The following CFAP69 variants were observed in gnomAD, a reference collection of about 807,000 sequenced individuals.
CFAP69 encodes cilia- and flagella-associated protein 69.
Under a neutral mutation model 123.0 loss-of-function variants are expected in CFAP69, and 92 were observed. The observed-to-expected ratio is 0.75, with a 90% CI of 0.63 to 0.89. The LOEUF (loss-of-function observed/expected upper bound fraction) is 0.89. CFAP69 is among the 40% of genes least tolerant of loss of function. The probability of loss-of-function intolerance (pLI) is 0.00; values close to 1 mark genes in which losing one functional copy is unlikely to be tolerated. For synonymous variants in CFAP69, 380 were observed against 364.3 expected (o/e 1.04, Z -0.49); for missense variants, 1,067 against 1,096.9 (o/e 0.97, Z 0.39).
At chr7:90,256,443 G>A (rs1445849476) in intron 2 of CFAP69, among the ~76,000 whole-genome samples, 2 of 151,888 alleles carry the variant, frequency 1.3e-5, no homozygotes, top group Admixed American at 1.3e-4. Flanking sequence ...TGGGTTGATG[G>A]GTGCAGCAAA....
intron 1 of CFAP69, among the ~76,000 whole-genome samples, chr7:90,251,395 T>C (rs1796986551): frequency 6.6e-6 from 1 of 152,192 alleles, no homozygotes; most frequent in Admixed American, 6.5e-5. Flanking sequence ...CTGGTTGGTC[T>C]TAAGTTGGAA....
intron 13 of CFAP69, among the ~76,000 whole-genome samples, chr7:90,283,671 T>A (rs1179030903): frequency 6.6e-6 from 1 of 152,190 alleles, no homozygotes; most frequent in Admixed American, 6.5e-5. Flanking sequence ...AAACAAAAGC[T>A]GCTTTGCCTT....
At chr7:90,262,198 A>C (rs1190080805) in intron 4 of CFAP69, 142 bp downstream of exon 4, 5 of 543,050 alleles carry the variant, frequency 9.2e-6, no homozygotes, top group African/African-American at 2.0e-5. Flanking sequence ...TGATTCCAGC[A>C]GTTGGCATTT....
At chr7:90,311,380 G>A (rs1306798244), downstream of CFAP69, among the ~76,000 whole-genome samples, 1 of 152,184 alleles carries the variant, frequency 6.6e-6, no homozygotes, top group Non-Finnish European at 1.5e-5. Context: ...ACTCAGCAGT[G>A]TACTGGTAAA....
intron 4 of CFAP69, among the ~76,000 whole-genome samples, chr7:90,262,773 T>G (rs1377485725): frequency 6.6e-6 from 1 of 151,904 alleles, no homozygotes; most frequent in Non-Finnish European, 1.5e-5. Flanking sequence ...AATTATTTAT[T>G]TTAATATACA....
intron 15 of CFAP69, among the ~76,000 whole-genome samples, chr7:90,296,966 G>A (rs545135700): frequency 2.0e-5 from 3 of 151,476 alleles, no homozygotes; most frequent in African/African-American, 4.8e-5. Flanking sequence ...AAAAGGTGCC[G>A]GACTTAGTTA....
At position 90,262,016 on chromosome 7, in the gene CFAP69, C is replaced by G. The variant is rs544953762; in HGVS notation, c.316C>G (p.Arg106Gly). The G allele has an allele frequency of 2.5e-6, 4 of 1,603,104 alleles. No individual in the cohort carries two copies. Among genetic ancestry groups the G allele is most frequent in the East Asian group, 4.5e-5 (2 of 44,398 alleles). ...LCSGKIKNQP[R>G]FIESAYDIIK... ...TTCAGGAAAAATAAAAAACCAGCCT[C>G]GTTTTATAGAATCTGCATATGATAT... Residue 106 changes from arginine (R) to glycine (G), a missense_variant, in exon 4 of 23, where the codon CGT becomes GGT. By Grantham distance (125) the Arg-to-Gly change is moderately radical. Coordinates refer to ENST00000389297, the MANE Select transcript of CFAP69 (RefSeq NM_001039706.3).
At chr7:90,303,859 C>T in intron 17 of CFAP69, 110 bp from the exon 18 acceptor site, 2 of 1,303,228 alleles carry the variant, frequency 1.5e-6, no homozygotes, top group South Asian at 2.2e-5. Context: ...TTTTTTGCTA[C>T]AATATTTTTA....
intron 21 of CFAP69, 119 bp downstream of exon 21, chr7:90,307,973 C>G (rs1793853878): frequency 1.8e-6 from 1 of 570,162 alleles, no homozygotes; most frequent in African/African-American, 2.0e-5. Context: ...AATACCAGCA[C>G]TATTAGATGC....
Position 90,286,320 on chromosome 7 carries a change from A to C in CFAP69, c.1577A>C (p.Glu526Ala). The change falls in exon 14 of 23, where the codon GAA (glutamate) becomes GCA (alanine). Residue 526 changes from glutamate to alanine, a missense_variant. Transcript: ENST00000389297. Reference sequence around the variant, plus strand: ...ATAATAAGCAAGCCTAATGAAAAGGAAGAAGCCATTGTTTTGGAAATCCAG... The same window carrying C: ...ATAATAAGCAAGCCTAATGAAAAGGCAGAAGCCATTGTTTTGGAAATCCAG... ...KNIISKPNEK[E>A]EAIVLEIQSD... 1 of 1,608,350 alleles carries C rather than the reference A, an allele frequency of 6.2e-7. No individual in the cohort carries two copies. Among genetic ancestry groups the C allele is most frequent in the Non-Finnish European group, 8.5e-7 (1 of 1,176,214 alleles).
At chr7:90,291,374 A>AT (rs1320147107) in intron 15 of CFAP69, among the ~76,000 whole-genome samples, 2 of 152,072 alleles carry the variant, frequency 1.3e-5, no homozygotes, top group Non-Finnish European at 2.9e-5. Context: ...AGCAGAGGTT[A>AT]TTTGTGTCAG....
intron 13 of CFAP69, among the ~76,000 whole-genome samples, 154 bp downstream of exon 13, chr7:90,283,210 T>G (rs779104061): frequency 6.6e-6 from 1 of 152,222 alleles, no homozygotes; most frequent in Non-Finnish European, 1.5e-5. Flanking sequence ...TGCTATAAAT[T>G]AGTGTGTCTT....
chr7:90,318,992 A>G, the CFAP69 span: 1 of 165,836 alleles, frequency 6.0e-6, no homozygotes, highest in African/African-American at 2.4e-5. Context: ...CCTATTGAAA[A>G]AATTAATTTC....
intron 9 of CFAP69, 58 bp from the exon 10 acceptor site, chr7:90,277,015 C>T (rs1788713527): frequency 1.7e-6 from 2 of 1,201,264 alleles, no homozygotes; most frequent in East Asian, 2.6e-5. Context: ...TGAGCATCTG[C>T]ATCATAACTT....
Position 90,287,442 on chromosome 7 carries a change from G to C in CFAP69, c.1657-792G>C, listed in dbSNP as rs1420540415. The C allele has an allele frequency of 3.1e-6, 3 of 963,338 alleles. No homozygotes were observed. The East Asian group carries it at 3.5e-4, about 111-fold the overall frequency. The allele number at this position is 963,338 out of a possible 1,614,324, so 59.7% of individuals were successfully genotyped here. A position where few individuals can be genotyped will look rare whatever the true frequency, so the allele number is the denominator to read the frequency against. On this transcript the variant is annotated intron_variant, in intron 14 of 22. Coordinates refer to ENST00000389297, the MANE Select transcript of CFAP69 (RefSeq NM_001039706.3). ...TTAAATGTTGTTTGGGGTTTGAATT[G>C]GGTTCAAACCCAAAGCCAAAATTTA...
chr7:90,259,236 G>GA (rs1375458845), intron 3 of CFAP69, among the ~76,000 whole-genome samples: 1 of 151,958 alleles, frequency 6.6e-6, no homozygotes, highest in Non-Finnish European at 1.5e-5. Flanking sequence ...AACATACCAA[G>GA]ACCCTGCCTC....
chr7:90,264,102 AAAATATATATATATATATATATAT>A lies in CFAP69; in HGVS notation c.357-1197_357-1174del, dbSNP rs1467970421. ...CAAGACTCCATCTCGAAAAAAAAAA[AAAATATATATATATATATATATAT>A]ATATATATATATATATATATATATG... On this transcript the variant is annotated intron_variant, in intron 4 of 22. Transcript: ENST00000389297. Among the ~76,000 whole-genome samples the A allele has an allele frequency of 3.5e-4, 12 of 33,846 alleles. 1 individual carries two copies. The highest frequency in any genetic ancestry group is 1.0e-3 in the African/African-American group (11 of 10,680). 22.2% of individuals were successfully genotyped at this position (33,846 alleles called of 152,430 possible). A position where few individuals can be genotyped will look rare whatever the true frequency, so the allele number is the denominator to read the frequency against.
intron 1 of CFAP69, 110 bp downstream of exon 1, chr7:90,245,654 T>G: frequency 2.3e-6 from 3 of 1,296,680 alleles, no homozygotes; most frequent in African/African-American, 1.5e-5. Context: ...GGAGTGAAGA[T>G]GGGGGAAGCC....
Position 90,279,829 on chromosome 7 carries a change from A to G in CFAP69, c.1308A>G (p.Glu436=). 1.2e-6 allele frequency: 2 copies of G among 1,612,928 alleles called. No individual in the cohort carries two copies. The highest frequency in any genetic ancestry group is 1.3e-5 in the African/African-American group (1 of 75,024). Residue 436 remains glutamate (E), a synonymous_variant, in exon 12 of 23, where the codon GAA becomes GAG. Transcript: ENST00000389297. The stretch of plus-strand genomic sequence containing the variant: ...CATCAGTGGCTCCTTTATTAATAGA[A>G]GAATACATGTCATGCCAGGGAAATG... The part of the protein sequence containing the change: ...TLSSVAPLLI[E]EYMSCQGNAR...
Sources: gnomAD v4.1 joint callset for allele counts (sites outside exome capture counted in the v4.1 genomes callset) on GRCh38, gnomAD v4.1.1 for gene constraint, MANE v1.5 for transcripts, NCBI Gene and HGNC (gene_info 2026-07-23, HGNC 2026-07-21) for gene names.